Variants in NUCB1 observed in about 807,000 individuals in gnomAD.
NUCB1 encodes the protein nucleobindin 1.
In NUCB1, 47 loss-of-function variants were observed where a neutral mutation model predicts 61.2. The ratio of observed to expected loss-of-function variants is 0.77; its 90% CI spans 0.61 to 0.98. NUCB1 has a LOEUF of 0.98. Among genes scored for constraint, NUCB1 ranks in the 50% least tolerant of loss-of-function variants. The pLI, the probability that NUCB1 is intolerant of heterozygous loss-of-function variation, is 0.00. For synonymous variants in NUCB1, 234 were observed against 243.1 expected (o/e 0.96, Z 0.35); for missense variants, 583 against 605.3 (o/e 0.96, Z 0.39).
At chr19:48,904,527 C>CTTTT in intron 3 of NUCB1, 73 bp downstream of exon 3, 3 of 586,072 alleles carry the variant, frequency 5.1e-6, no homozygotes, top group Non-Finnish European at 8.5e-6. Flanking sequence ...GGACTGGTTT[C>CTTTT]TTTTTTTTTT....
chr19:48,921,681 AAG>A, intron 11 of NUCB1, 144 bp from the exon 12 acceptor site: 1 of 772,986 alleles, frequency 1.3e-6, no homozygotes, highest in Non-Finnish European at 2.3e-6. Context: ...CTGTCAATGA[AAG>A]AGAGAAACTG....
intron 5 of NUCB1, among the ~76,000 whole-genome samples, 187 bp from the exon 6 acceptor site, chr19:48,912,824 A>G (rs2037489931): frequency 6.8e-6 from 1 of 146,724 alleles, no homozygotes; most frequent in South Asian, 2.2e-4. Flanking sequence ...AGCCTGGGCA[A>G]CAGAGCAAGA....
chr19:48,918,929 GGAGT>G, intron 8 of NUCB1, 97 bp from the exon 9 acceptor site: 3 of 1,369,566 alleles, frequency 2.2e-6, no homozygotes, highest in Non-Finnish European at 3.1e-6. Context: ...ACGGCTCCCA[GGAGT>G]GGTAGCGTGC....
chr19:48,922,509 G>A lies in NUCB1; in HGVS notation c.*85G>A. 8.4e-7 allele frequency: 1 copy of A among 1,191,026 alleles called. No homozygotes were observed. The highest frequency in any genetic ancestry group is 1.2e-6 in the Non-Finnish European group (1 of 811,384). The allele number at this position is 1,191,026 out of a possible 1,614,324, so 73.8% of individuals were successfully genotyped here. ...ATGAAGTGGCACAGTCAGCTTCCCT[G>A]GGGGCTGGTGTCATGTTGGGCTCCT... On this transcript the variant is annotated 3_prime_UTR_variant, in exon 13 of 13. Coordinates refer to ENST00000405315, the MANE Select transcript of NUCB1 (RefSeq NM_006184.6).
At chr19:48,918,689 G>A (rs1330016237) in intron 7 of NUCB1, 37 bp from the exon 8 acceptor site, 12 of 1,572,772 alleles carry the variant, frequency 7.6e-6, no homozygotes, top group Non-Finnish European at 1.1e-5. Flanking sequence ...TCCCGTCCTC[G>A]GTCCCCTGAG....
Position 48,903,382 on chromosome 19 carries a change from A to G in NUCB1, c.136-965A>G, listed in dbSNP as rs969332288. 2.2e-5 allele frequency among the ~76,000 whole-genome samples: 3 copies of G among 137,590 alleles called. No homozygotes were observed. The South Asian group carries it at 7.6e-4, about 35-fold the overall frequency. The allele number at this position is 137,590 out of a possible 152,430, so 90.3% of individuals were successfully genotyped here. ...AATGCATGCATGGGCGGGTGGGTAG[A>G]TGGATGGGCAGTTGGATGGATGGGC... is the stretch of plus-strand genomic sequence containing the variant. On this transcript the variant is annotated intron_variant, in intron 2 of 12. Coordinates refer to ENST00000405315, the MANE Select transcript of NUCB1 (RefSeq NM_006184.6).
In NUCB1 at chr19:48,904,439, T is replaced by C. The variant is rs1600052650; in HGVS notation, c.228T>C (p.Asn76=). Residue 76 remains asparagine (N), a synonymous_variant, in exon 3 of 13, where the codon AAT becomes AAC. Coordinates refer to ENST00000405315, the MANE Select transcript of NUCB1 (RefSeq NM_006184.6). ...GHFREKLQAA[N]AEDIKSGKLS... is the part of the protein sequence containing the mutation. ...TCCGAGAGAAGCTGCAGGCTGCCAA[T>C]GCGGAGGACATCAAGGTGCGGCTGG... The C allele has an allele frequency of 6.2e-7, 1 of 1,609,562 alleles. No homozygotes were observed. The highest frequency in any genetic ancestry group is 2.2e-5 in the East Asian group (1 of 44,698).
intron 12 of NUCB1, 74 bp from the exon 13 acceptor site, chr19:48,922,221 ACCCCTGGGTGTGAGGGAGGAGGG>A: frequency 2.2e-6 from 2 of 918,720 alleles, no homozygotes; most frequent in Non-Finnish European, 3.3e-6. Flanking sequence ...TGGGGGCTGG[ACCCCTGGGTGTGAGGGAGGAGGG>A]GCTGGGCCTC....
chr19:48,913,195 C>T lies in NUCB1; in HGVS notation c.665C>T (p.Pro222Leu), dbSNP rs1172733665. The T allele has an allele frequency of 6.2e-6, 10 of 1,609,848 alleles. No individual in the cohort carries two copies. The South Asian group carries it at 6.6e-5, about 11-fold the overall frequency. ...RHREHPKVNV[P>L]GSQAQLKEVW... ...CGCGAGCACCCTAAAGTCAACGTGC[C>T]TGTGAGGACCCCATTTGTGCCCATC... Residue 222 changes from proline to leucine, a missense_variant and splice_region_variant, in exon 6 of 13, where the codon CCT becomes CTT. Coordinates refer to ENST00000405315, the MANE Select transcript of NUCB1 (RefSeq NM_006184.6).
Position 48,919,041 on chromosome 19 carries a change from G to GT in NUCB1, c.829dup (p.Tyr277LeufsTer6), listed in dbSNP as rs1233834297. 6.2e-7 allele frequency: 1 copy of GT among 1,614,006 alleles called. No homozygotes were observed. Among genetic ancestry groups the GT allele is most frequent in the East Asian group, 2.2e-5 (1 of 44,878 alleles). On this transcript the variant is annotated frameshift_variant, in exon 9 of 13. Transcript: ENST00000405315. LOFTEE classifies it high-confidence loss of function. ...GCTTGCTCCTGCAGCTGGAGAAAGTGTACGACCCAAAGAATGAGGAGGACG... is the reference window on the plus strand; with the variant it reads ...GCTTGCTCCTGCAGCTGGAGAAAGTGTTACGACCCAAAGAATGAGGAGGACG...
chr19:48,921,177 C>T lies in NUCB1; in HGVS notation c.1026C>T (p.Tyr342=), dbSNP rs3745695. The change falls in exon 11 of 13, where the codon TAC becomes TAT. Residue 342 remains tyrosine, a synonymous_variant. Transcript: ENST00000405315. ...GWETVEMHPA[Y]TEEELRRFEE... is the part of the protein sequence containing the mutation. ...AGACAGTGGAGATGCACCCTGCCTA[C>T]ACCGAGGAAGAGCTGAGGCGCTTTG... is the stretch of plus-strand genomic sequence containing the variant. The T allele has an allele frequency of 5.6e-5, 91 of 1,612,334 alleles. No homozygotes were observed. In the East Asian group the frequency reaches 2.0e-3, roughly 35 times the overall value.
chr19:48,901,079 A>G, intron 2 of NUCB1, 148 bp downstream of exon 2: 4 of 954,690 alleles, frequency 4.2e-6, no homozygotes, highest in Non-Finnish European at 6.6e-6. Context: ...TCCCAGCAGC[A>G]GGGGTTTGAC....
At chr19:48,901,138 T>C in intron 2 of NUCB1, 1 of 629,872 alleles carries the variant, frequency 1.6e-6, no homozygotes, top group Non-Finnish European at 2.9e-6. Flanking sequence ...AAAATCTGCA[T>C]CACGCCCCAA....
At chr19:48,918,526 C>A in intron 7 of NUCB1, 200 bp from the exon 8 acceptor site, 6 of 604,290 alleles carry the variant, frequency 9.9e-6, no homozygotes, top group Non-Finnish European at 1.8e-5. Context: ...CCATTCTCAA[C>A]CCCCTGGTCG....
At chr19:48,908,701 T>TGTGTGTGTG (rs1568584845) in intron 4 of NUCB1, among the ~76,000 whole-genome samples, 4 of 54,066 alleles carry the variant, frequency 7.4e-5, no homozygotes, top group East Asian at 7.8e-4. Flanking sequence ...GTGTGTGTCT[T>TGTGTGTGTG]TCTGCCCACT....
At chr19:48,915,774 T>C (rs2037532504) in intron 7 of NUCB1, among the ~76,000 whole-genome samples, 1 of 151,852 alleles carries the variant, frequency 6.6e-6, no homozygotes, top group Non-Finnish European at 1.5e-5. Context: ...GTGCTGGGGT[T>C]ACAAGCATGA....
intron 4 of NUCB1, among the ~76,000 whole-genome samples, chr19:48,910,603 T>C (rs1232401268): frequency 6.6e-6 from 1 of 151,388 alleles, no homozygotes; most frequent in African/African-American, 2.4e-5. Flanking sequence ...GGCAGGAGGA[T>C]TGCTTGAGCC....
intron 7 of NUCB1, among the ~76,000 whole-genome samples, chr19:48,914,048 AC>A (rs1266771069): frequency 6.8e-6 from 1 of 147,756 alleles, no homozygotes; most frequent in Non-Finnish European, 1.5e-5. Flanking sequence ...GCTCACTGCA[AC>A]CCCCTGCCCT....
At chr19:48,908,446 C>G (rs1037568941) in intron 4 of NUCB1, among the ~76,000 whole-genome samples, 6 of 152,158 alleles carry the variant, frequency 3.9e-5, no homozygotes, top group Non-Finnish European at 5.9e-5. Flanking sequence ...AGTCAGAATT[C>G]TGTCATCATT....
Sources: gnomAD v4.1 joint callset for allele counts (sites outside exome capture counted in the v4.1 genomes callset) on GRCh38, gnomAD v4.1.1 for gene constraint, MANE v1.5 for transcripts, NCBI Gene and HGNC (gene_info 2026-07-23, HGNC 2026-07-21) for gene names.